Variants in RHBDF2 observed in about 807,000 individuals in gnomAD.
The protein encoded by RHBDF2 is inactive rhomboid protein 2.
A neutral mutation model predicts 95.2 loss-of-function variants in RHBDF2; 38 were observed. The observed-to-expected ratio is 0.40, with a 90% confidence interval of 0.31 to 0.52. RHBDF2 has a LOEUF of 0.52. Ranked by LOEUF, RHBDF2 falls within the 20% of genes least tolerant of loss-of-function variation. RHBDF2 has a pLI of 0.56. For missense variants in RHBDF2, 863 were observed against 1,137.7 expected, an observed-to-expected ratio of 0.76 and a Z score of 3.47; for synonymous variants, 442 against 462.0, an observed-to-expected ratio of 0.96 and a Z score of 0.55.
At chr17:76,496,048 T>C (rs1386625499) in intron 1 of RHBDF2, among the ~76,000 whole-genome samples, 2 of 152,102 alleles carry the variant, frequency 1.3e-5, no homozygotes, top group Non-Finnish European at 2.9e-5. Context: ...GGGCCAGAGA[T>C]GGGACTCAAA....
chr17:76,477,303 G>C lies in RHBDF2; in HGVS notation c.802-5C>G. ...AGGCATGGAGCTCATTTCTTCCTGG[G>C]GTGGGGGACAAGAAAATACAGTGTA... On this transcript the variant is annotated splice_polypyrimidine_tract_variant and splice_region_variant and intron_variant, in intron 7 of 18. Transcript: ENST00000675367. The C allele has an allele frequency of 6.2e-7, 1 of 1,610,560 alleles. No individual in the cohort carries two copies. The highest frequency in any genetic ancestry group is 1.1e-5 in the South Asian group (1 of 90,470).
In RHBDF2 at chr17:76,477,929, G is replaced by A. The variant is rs569258793; in HGVS notation, c.673-144C>T. 17 of 1,322,942 alleles carry A rather than the reference G, an allele frequency of 1.3e-5. No homozygotes were observed. In the East Asian group the frequency reaches 3.5e-4, roughly 27 times the overall value. 82.0% of individuals were successfully genotyped at this position (1,322,942 alleles called of 1,614,324 possible). On this transcript the variant is annotated intron_variant, in intron 6 of 18. Transcript: ENST00000675367. ...ATCCTGCCCAAAGCGTGGAGATTCT[G>A]CAAGCTGAACGGGCAAGAGGAGCTC...
At chr17:76,479,538 C>A (rs757247922) in intron 4 of RHBDF2, 195 bp downstream of exon 4, 3 of 739,816 alleles carry the variant, frequency 4.1e-6, no homozygotes, top group Admixed American at 4.0e-5. Context: ...GCCTCCACAC[C>A]GTGATATTCC....
chr17:76,476,487 C>A, intron 9 of RHBDF2: 1 of 254,432 alleles, frequency 3.9e-6, no homozygotes, highest in Non-Finnish European at 7.6e-6. Flanking sequence ...TGTCCTCTGA[C>A]CGACCCTGCC....
At chr17:76,495,417 C>A (rs1179870661) in intron 1 of RHBDF2, among the ~76,000 whole-genome samples, 2 of 152,252 alleles carry the variant, frequency 1.3e-5, no homozygotes. Flanking sequence ...AAGACAGGGT[C>A]ACAGGCCCAT....
At chr17:76,485,041 G>C (rs1164933016) in intron 2 of RHBDF2, among the ~76,000 whole-genome samples, 1 of 152,158 alleles carries the variant, frequency 6.6e-6, no homozygotes, top group African/African-American at 2.4e-5. Flanking sequence ...GGAGGCTGAG[G>C]TGGGCGGATC....
At position 76,476,915 on chromosome 17, in the gene RHBDF2, C is replaced by G. The variant is rs779944124; in HGVS notation, c.1030G>C (p.Val344Leu). The G allele has an allele frequency of 6.2e-7, 1 of 1,613,630 alleles. No homozygotes were observed. Among genetic ancestry groups the G allele is most frequent in the African/African-American group, 1.3e-5 (1 of 74,956 alleles). Residue 344 changes from valine (V) to leucine (L), a missense_variant, in exon 9 of 19, where the codon GTG becomes CTG. Physicochemically the swap from Val to Leu is conservative, Grantham distance 32. Coordinates refer to ENST00000675367, the MANE Select transcript of RHBDF2 (RefSeq NM_001005498.4). ...DRKKRHYGLGVVGNWLNRSYR... is the reference protein window; with the variant it reads ...DRKKRHYGLGLVGNWLNRSYR... ...CTGCGGTTCAGCCAGTTGCCCACCA[C>G]GCCGAGGCCGTAGTGCCGCTTCTTC...
At chr17:76,494,836 A>T (rs901023858) in intron 1 of RHBDF2, among the ~76,000 whole-genome samples, 1 of 152,212 alleles carries the variant, frequency 6.6e-6, no homozygotes, top group Non-Finnish European at 1.5e-5. Flanking sequence ...GGTGCCTTCC[A>T]CATCCCAGGG....
chr17:76,481,285 C>T, intron 3 of RHBDF2, 90 bp downstream of exon 3: 2 of 1,435,112 alleles, frequency 1.4e-6, no homozygotes, highest in East Asian at 2.3e-5. Context: ...GGAAGGAGCC[C>T]CTCTGGGAAG....
chr17:76,479,357 CGT>C, intron 4 of RHBDF2, 80 bp from the exon 5 acceptor site: 6 of 1,531,120 alleles, frequency 3.9e-6, no homozygotes, highest in Non-Finnish European at 5.3e-6. Flanking sequence ...GGTGATGGCA[CGT>C]GTGTGCCCGC....
chr17:76,489,687 G>A (rs2074248208), intron 1 of RHBDF2, among the ~76,000 whole-genome samples: 1 of 88,964 alleles, frequency 1.1e-5, no homozygotes, highest in African/African-American at 3.3e-5. Context: ...GATGCCGGAA[G>A]CCCTCCCGGG....
At chr17:76,489,467 A>G (rs9889553) in intron 1 of RHBDF2, among the ~76,000 whole-genome samples, 116,942 of 151,698 alleles carry the variant, frequency 0.77, 48,453 homozygotes, top group East Asian at 1. Context: ...GGGACTACAG[A>G]CGCCCGCCAC....
intron 1 of RHBDF2, 146 bp from the exon 2 acceptor site, chr17:76,488,055 G>C (rs966525959): frequency 5.2e-5 from 8 of 152,384 alleles, no homozygotes; most frequent in African/African-American, 1.9e-4. Context: ...AGGCATCTCC[G>C]AGTGCCAAGC....
At chr17:76,499,034 T>C (rs1259325583) in intron 1 of RHBDF2, among the ~76,000 whole-genome samples, 1 of 152,104 alleles carries the variant, frequency 6.6e-6, no homozygotes, top group Non-Finnish European at 1.5e-5. Context: ...GCCTGGGTGC[T>C]CAGCCCTGTC....
At position 76,471,512 on chromosome 17, in the gene RHBDF2, G is replaced by C. The variant is rs937714264; in HGVS notation, c.*121C>G. On this transcript the variant is annotated 3_prime_UTR_variant, in exon 19 of 19. Coordinates refer to ENST00000675367, the MANE Select transcript of RHBDF2 (RefSeq NM_001005498.4). ...CCTGGCAGGGGGGCACCCAGGTCCA[G>C]AGCCCGGGCCCTGTCTTGGGTCTCT... 2 of 1,187,670 alleles carry C rather than the reference G, an allele frequency of 1.7e-6. No individual in the cohort carries two copies. Among genetic ancestry groups the C allele is most frequent in the South Asian group, 1.6e-5 (1 of 60,844 alleles). The allele number at this position is 1,187,670 out of a possible 1,614,324, so 73.6% of individuals were successfully genotyped here.
At chr17:76,494,684 G>C (rs767812241) in intron 1 of RHBDF2, among the ~76,000 whole-genome samples, 1 of 152,166 alleles carries the variant, frequency 6.6e-6, no homozygotes, top group Non-Finnish European at 1.5e-5. Flanking sequence ...CCTGGGAGGC[G>C]GAGGTTGAAG....
chr17:76,487,684 C>T (rs2144323695), intron 2 of RHBDF2, 28 bp downstream of exon 2: 1 of 152,638 alleles, frequency 6.6e-6, no homozygotes, highest in African/African-American at 2.4e-5. Flanking sequence ...CGCCCTGGGT[C>T]CAGCCACCCG....
rs368715327 is a variant in RHBDF2 at position 76,478,864 on chromosome 17, C to T, written c.614G>A (p.Arg205His). The change falls in exon 6 of 19, where the codon CGC (arginine) becomes CAC (histidine). Residue 205 changes from arginine (R) to histidine (H), a missense_variant. This residue lies in a region of RHBDF2 where 611 missense variants were observed against 725.5 expected (regional missense o/e 0.84). Coordinates refer to ENST00000675367, the MANE Select transcript of RHBDF2 (RefSeq NM_001005498.4). ...GTGGGCCACAGACATTCTCTTGCGG[C>T]GTGGCAGGTGGGAGTAGCCAGAACG... Reference protein sequence around the residue: ...SVRSGYSHLPRRKRMSVAHMS... With the variant: ...SVRSGYSHLPHRKRMSVAHMS... 54 of 1,613,402 alleles carry T rather than the reference C, an allele frequency of 3.3e-5. No individual in the cohort carries two copies. Among genetic ancestry groups the T allele is most frequent in the African/African-American group, 4.0e-5 (3 of 74,898 alleles).
At chr17:76,473,944 G>A (rs2073676946) in intron 13 of RHBDF2, 42 bp from the exon 14 acceptor site, 2 of 1,610,398 alleles carry the variant, frequency 1.2e-6, no homozygotes, top group African/African-American at 2.7e-5. Flanking sequence ...CACCCAGCGT[G>A]CCACGTCCAC....
Sources: allele counts gnomAD v4.1 joint callset (sites outside exome capture counted in the v4.1 genomes callset), GRCh38; gene constraint gnomAD v4.1.1; regional missense constraint gnomAD v4.1.1; transcripts MANE v1.5; gene names NCBI Gene and HGNC (gene_info 2026-07-23, HGNC 2026-07-21).